INPP5A: variants seen among roughly 807,000 people sequenced by gnomAD.
The protein encoded by INPP5A is 43 kDa inositol polyphosphate 5-phophatase.
Under a neutral mutation model 65.2 loss-of-function variants are expected in INPP5A, and 14 were observed. The ratio of observed to expected loss-of-function variants is 0.21; its 90% CI spans 0.14 to 0.34. The LOEUF is 0.34. INPP5A is among the 10% of genes least tolerant of loss of function. The pLI is 1.00. For missense variants in INPP5A, 431 were observed against 545.6 expected, an observed-to-expected ratio of 0.79 and a Z score of 2.09; for synonymous variants, 207 against 208.3, an observed-to-expected ratio of 0.99 and a Z score of 0.05.
intron 4 of INPP5A, among the ~76,000 whole-genome samples, chr10:132,672,674 G>A (rs1190874065): frequency 2.0e-5 from 3 of 152,180 alleles, no homozygotes. Flanking sequence ...TATCAGCAGT[G>A]TGAAAACAAA....
chr10:132,608,916 G>C (rs898438613), intron 2 of INPP5A, among the ~76,000 whole-genome samples: 5 of 152,170 alleles, frequency 3.3e-5, no homozygotes, highest in Non-Finnish European at 5.9e-5. Flanking sequence ...TGAGGTGCTG[G>C]GCCAGAGGTG....
intron 1 of INPP5A, among the ~76,000 whole-genome samples, chr10:132,542,476 G>T (rs1304969634): frequency 2.6e-5 from 4 of 152,164 alleles, no homozygotes; most frequent in African/African-American, 9.7e-5. Context: ...GTGGTTCCTG[G>T]CAACACCAAA....
At chr10:132,694,040 A>G (rs1442171771) in intron 5 of INPP5A, among the ~76,000 whole-genome samples, 1 of 152,186 alleles carries the variant, frequency 6.6e-6, no homozygotes, top group Non-Finnish European at 1.5e-5. Flanking sequence ...TCTAATTGAC[A>G]CTTATAGGAT....
intron 9 of INPP5A, among the ~76,000 whole-genome samples, chr10:132,729,226 CGGGAGAACAGTGCAGG>C (rs1564987544): frequency 6.6e-6 from 1 of 152,152 alleles, no homozygotes; most frequent in East Asian, 1.9e-4. Context: ...GGAGGCATGG[CGGGAGAACAGTGCAGG>C]GGCCTCGGGA....
intron 1 of INPP5A, among the ~76,000 whole-genome samples, chr10:132,561,052 C>G (rs1183954360): frequency 7.9e-6 from 1 of 126,990 alleles, no homozygotes; most frequent in Non-Finnish European, 1.7e-5. Flanking sequence ...GTTTGAAGCA[C>G]TTTTTTTTTT....
At chr10:132,667,451 C>G (rs1469568472) in intron 4 of INPP5A, among the ~76,000 whole-genome samples, 1 of 152,164 alleles carries the variant, frequency 6.6e-6, no homozygotes, top group African/African-American at 2.4e-5. Flanking sequence ...TTAAATTTAT[C>G]AAATTGCGTT....
intron 3 of INPP5A, among the ~76,000 whole-genome samples, chr10:132,647,964 A>G (rs527790254): frequency 6.6e-6 from 1 of 152,378 alleles, no homozygotes; most frequent in South Asian, 2.1e-4. Flanking sequence ...TGGAAGGCTG[A>G]AAAATGTGGC....
intron 11 of INPP5A, among the ~76,000 whole-genome samples, chr10:132,759,319 C>T (rs1846688380): frequency 6.6e-6 from 1 of 152,184 alleles, no homozygotes; most frequent in Non-Finnish European, 1.5e-5. Flanking sequence ...TCTCTCCACC[C>T]ACGAGTGTAC....
At chr10:132,708,721 G>A (rs778687186) in intron 7 of INPP5A, among the ~76,000 whole-genome samples, 13 of 152,360 alleles carry the variant, frequency 8.5e-5, no homozygotes, top group Non-Finnish European at 1.8e-4. Flanking sequence ...GTGAGACGGC[G>A]TAAGCGCTGC....
In INPP5A at chr10:132,627,889, C is replaced by T. The variant is rs778265837; in HGVS notation, c.118-17979C>T. On this transcript the variant is annotated intron_variant, in intron 2 of 15. Coordinates refer to ENST00000368594, the MANE Select transcript of INPP5A (RefSeq NM_005539.5). The surrounding 1 kb of genome is among the most constrained non-coding windows in gnomAD (Gnocchi z 6.6). ...GAGAGAGCCGTGTGGGGGAGGTGCCCAGGCTGGAGTGGCGGCGTCGGGTGT... is the reference window on the plus strand; with the variant it reads ...GAGAGAGCCGTGTGGGGGAGGTGCCTAGGCTGGAGTGGCGGCGTCGGGTGT... Among the ~76,000 whole-genome samples, 88 of 152,112 alleles carry T rather than the reference C, an allele frequency of 5.8e-4. No homozygotes were observed. The highest frequency in any genetic ancestry group is 1.0e-3 in the Non-Finnish European group (70 of 67,990).
In INPP5A at chr10:132,708,204, G is replaced by A. The variant is rs1432265366; in HGVS notation, c.475-109G>A. 1.5e-5 allele frequency: 14 copies of A among 917,388 alleles called. 1 individual carries two copies. Among genetic ancestry groups the A allele is most frequent in the South Asian group, 1.5e-4 (10 of 67,746 alleles). 56.8% of individuals were successfully genotyped at this position (917,388 alleles called of 1,614,324 possible). A position where few individuals can be genotyped will look rare whatever the true frequency, so the allele number is the denominator to read the frequency against. On this transcript the variant is annotated intron_variant, in intron 6 of 15. Coordinates refer to ENST00000368594, the MANE Select transcript of INPP5A (RefSeq NM_005539.5). Reference sequence around the variant, plus strand: ...GCGGCATCAGTGCCGGAAGAGCCCTGCTGTTTTTTGTTTGGAAAGCATCTC... The same window carrying A: ...GCGGCATCAGTGCCGGAAGAGCCCTACTGTTTTTTGTTTGGAAAGCATCTC...
At chr10:132,779,674 T>C (rs1010709825) in intron 13 of INPP5A, among the ~76,000 whole-genome samples, 1 of 152,234 alleles carries the variant, frequency 6.6e-6, no homozygotes, top group Non-Finnish European at 1.5e-5. Context: ...GGCTGGAGTT[T>C]GGACAGGCTC....
intron 2 of INPP5A, among the ~76,000 whole-genome samples, chr10:132,608,868 T>TG (rs1240895688): frequency 1.3e-5 from 2 of 152,048 alleles, no homozygotes; most frequent in East Asian, 1.9e-4. Flanking sequence ...TGTGAGGGCA[T>TG]GGGGGTGTGG....
At position 132,549,263 on chromosome 10, in the gene INPP5A, A is replaced by G. The variant is rs1434351830; in HGVS notation, c.75+11092A>G. ...CTGCTCTAGGGCTGGCCGAGTGGTCACTCTGTGGCTGTCTTTCCGGGAGCT... is the reference window on the plus strand; with the variant it reads ...CTGCTCTAGGGCTGGCCGAGTGGTCGCTCTGTGGCTGTCTTTCCGGGAGCT... On this transcript the variant is annotated intron_variant, in intron 1 of 15. Coordinates refer to ENST00000368594, the MANE Select transcript of INPP5A (RefSeq NM_005539.5). This position sits in a 1 kb window ranked among gnomAD's most constrained non-coding sequence, Gnocchi z 4.9. Among the ~76,000 whole-genome samples the G allele has an allele frequency of 1.3e-5, 2 of 151,986 alleles. No homozygotes were observed. The highest frequency in any genetic ancestry group is 2.9e-5 in the Non-Finnish European group (2 of 67,994).
At chr10:132,599,493 C>T (rs2071750192) in intron 1 of INPP5A, among the ~76,000 whole-genome samples, 1 of 152,202 alleles carries the variant, frequency 6.6e-6, no homozygotes, top group Non-Finnish European at 1.5e-5. Flanking sequence ...GTACAGCCTC[C>T]CTCTCGGCTG....
chr10:132,759,496 G>T (rs901222811), intron 11 of INPP5A, among the ~76,000 whole-genome samples: 1 of 152,224 alleles, frequency 6.6e-6, no homozygotes, highest in African/African-American at 2.4e-5. Flanking sequence ...GCACCAACAG[G>T]CGTTAGGGGC....
At position 132,547,212 on chromosome 10, in the gene INPP5A, T is replaced by C. The variant is rs1320440747; in HGVS notation, c.75+9041T>C. On this transcript the variant is annotated intron_variant, in intron 1 of 15. Transcript: ENST00000368594. This position sits in a 1 kb window ranked among gnomAD's most constrained non-coding sequence, Gnocchi z 5.5. ...TGTCAGCCTGTCTGTGCCCAGGGAG[T>C]AGGAATCCCACCTTGCATGGTGGCT... Among the ~76,000 whole-genome samples the C allele has an allele frequency of 2.6e-5, 4 of 151,996 alleles. No individual in the cohort carries two copies. Among genetic ancestry groups the C allele is most frequent in the South Asian group, 2.1e-4 (1 of 4,814 alleles).
intron 1 of INPP5A, among the ~76,000 whole-genome samples, chr10:132,562,937 TC>T (rs2071224329): frequency 6.6e-6 from 1 of 152,140 alleles, no homozygotes; most frequent in African/African-American, 2.4e-5. Flanking sequence ...GGTGCCCCCT[TC>T]CCTGTATGCT....
At chr10:132,608,556 G>A (rs973777483) in intron 2 of INPP5A, among the ~76,000 whole-genome samples, 2 of 152,248 alleles carry the variant, frequency 1.3e-5, no homozygotes, top group African/African-American at 4.8e-5. Flanking sequence ...AGCCACCTGG[G>A]GCCTGTGGCC....
Sources: gnomAD v4.1 joint callset for allele counts (sites outside exome capture counted in the v4.1 genomes callset) on GRCh38, gnomAD v4.1.1 for gene constraint, Gnocchi (gnomAD v3.1) non-coding constraint, MANE v1.5 for transcripts, NCBI Gene and HGNC (gene_info 2026-07-23, HGNC 2026-07-21) for gene names.